Variants in NPSR1 observed in about 807,000 individuals in gnomAD.
NPSR1 encodes neuropeptide S receptor.
In NPSR1, 48 loss-of-function variants were observed where a neutral mutation model predicts 46.9. That is an observed-to-expected ratio of 1.02 (90% CI 0.81 to 1.30). The LOEUF (loss-of-function observed/expected upper bound fraction) is 1.30, where lower values mean the gene tolerates loss of function less well. Ranked by LOEUF, NPSR1 falls within the 50% of genes most tolerant of loss-of-function variation. NPSR1 has a pLI of 0.00. For synonymous variants in NPSR1, 176 were observed against 168.1 expected (o/e 1.05, Z -0.36); for missense variants, 450 against 449.5 (o/e 1.00, Z -0.01).
chr7:34,834,904 C>G (rs946042875), intron 6 of NPSR1, among the ~76,000 whole-genome samples: 1 of 152,198 alleles, frequency 6.6e-6, no homozygotes, highest in Non-Finnish European at 1.5e-5. Context: ...ATCTTGGACC[C>G]TTAGCCAGTA....
chr7:34,828,721 T>C (rs778775864), intron 5 of NPSR1, among the ~76,000 whole-genome samples: 7 of 152,260 alleles, frequency 4.6e-5, no homozygotes, highest in Non-Finnish European at 8.8e-5. Context: ...CATGAGTCTC[T>C]GGTTATTTCC....
At chr7:34,692,668 C>G (rs901493401) in intron 2 of NPSR1, among the ~76,000 whole-genome samples, 2 of 151,296 alleles carry the variant, frequency 1.3e-5, no homozygotes, top group Non-Finnish European at 2.9e-5. Flanking sequence ...AAGCCAAATC[C>G]AAAGTAAGCA....
At chr7:34,859,717 T>G (rs1223157704) in intron 8 of NPSR1, among the ~76,000 whole-genome samples, 1 of 151,750 alleles carries the variant, frequency 6.6e-6, no homozygotes, top group Admixed American at 6.5e-5. Context: ...CTCAAGGAAT[T>G]TATTTTTTAT....
chr7:34,825,929 A>C (rs2128755526), intron 4 of NPSR1, among the ~76,000 whole-genome samples: 1 of 152,284 alleles, frequency 6.6e-6, no homozygotes, highest in Admixed American at 6.5e-5. Context: ...TTCCTACTTG[A>C]AGCAAGCCCA....
At chr7:34,791,103 AAT>A (rs1787820888) in intron 3 of NPSR1, among the ~76,000 whole-genome samples, 1 of 87,656 alleles carries the variant, frequency 1.1e-5, no homozygotes, top group Non-Finnish European at 1.9e-5. Flanking sequence ...TATTATATAT[AAT>A]ATGTTATATA....
chr7:34,716,164 A>G (rs762740561), intron 2 of NPSR1, among the ~76,000 whole-genome samples: 4 of 152,154 alleles, frequency 2.6e-5, no homozygotes, highest in Non-Finnish European at 5.9e-5. Context: ...CACACCTGAG[A>G]TGAAAAGCAT....
chr7:34,869,536 G>A (rs555901431), intron 8 of NPSR1, among the ~76,000 whole-genome samples: 1 of 151,804 alleles, frequency 6.6e-6, no homozygotes, highest in South Asian at 2.1e-4. Flanking sequence ...AACAATCAGT[G>A]TAAATCTCCA....
intron 1 of NPSR1, among the ~76,000 whole-genome samples, chr7:34,662,344 G>A (rs1440762615): frequency 6.6e-6 from 1 of 152,076 alleles, no homozygotes; most frequent in Non-Finnish European, 1.5e-5. Context: ...CTGCCTTACT[G>A]TTAATTTTCT....
intron 2 of NPSR1, among the ~76,000 whole-genome samples, chr7:34,755,672 C>A (rs1458899389): frequency 1.3e-5 from 2 of 151,942 alleles, no homozygotes; most frequent in Non-Finnish European, 2.9e-5. Flanking sequence ...ATTTGTGCTA[C>A]CTGAATTTTG....
At chr7:34,761,456 T>G (rs1484174039) in intron 2 of NPSR1, among the ~76,000 whole-genome samples, 1 of 152,154 alleles carries the variant, frequency 6.6e-6, no homozygotes, top group Admixed American at 6.6e-5. Flanking sequence ...GACAGCAAGG[T>G]CTTTCTTGAA....
intron 3 of NPSR1, among the ~76,000 whole-genome samples, chr7:34,788,822 T>G (rs1787589158): frequency 6.6e-6 from 1 of 152,006 alleles, no homozygotes; most frequent in African/African-American, 2.4e-5. Flanking sequence ...TAGACACATA[T>G]AGAACATTTC....
chr7:34,742,205 T>C (rs920403371), intron 2 of NPSR1, among the ~76,000 whole-genome samples: 2 of 151,656 alleles, frequency 1.3e-5, no homozygotes, highest in African/African-American at 4.8e-5. Flanking sequence ...TGCATGTGAA[T>C]GTTTGTTACA....
chr7:34,695,992 C>A (rs1341756733), intron 2 of NPSR1, among the ~76,000 whole-genome samples: 1 of 149,152 alleles, frequency 6.7e-6, no homozygotes, highest in East Asian at 2.0e-4. Context: ...ATAAAAAAGA[C>A]ATTTGCCCTC....
At chr7:34,743,111 C>T (rs1013935552) in intron 2 of NPSR1, among the ~76,000 whole-genome samples, 17 of 152,146 alleles carry the variant, frequency 1.1e-4, no homozygotes, top group African/African-American at 4.1e-4. Flanking sequence ...TCTTTTTACT[C>T]TGTTGATAGT....
At chr7:34,827,756 A>T (rs1232420033) in intron 5 of NPSR1, among the ~76,000 whole-genome samples, 154 bp downstream of exon 5, 1 of 152,200 alleles carries the variant, frequency 6.6e-6, no homozygotes, top group Non-Finnish European at 1.5e-5. Context: ...TAGCTACCAT[A>T]GGCTAAGCCC....
At chr7:34,678,893 T>C (rs10255979) in intron 1 of NPSR1, among the ~76,000 whole-genome samples, 26,668 of 151,790 alleles carry the variant, frequency 0.18, 3,252 homozygotes, top group East Asian at 0.56. Context: ...GAAAGCAGAA[T>C]ATGATCTCCC....
intron 3 of NPSR1, among the ~76,000 whole-genome samples, chr7:34,808,183 A>G (rs537687314): frequency 1.4e-4 from 22 of 152,288 alleles, no homozygotes; most frequent in African/African-American, 4.6e-4. Flanking sequence ...ATTCTCCCCT[A>G]GAGTCTCTGG....
At chr7:34,703,301 G>A (rs1793935373) in intron 2 of NPSR1, among the ~76,000 whole-genome samples, 1 of 152,204 alleles carries the variant, frequency 6.6e-6, no homozygotes, top group South Asian at 2.1e-4. Context: ...AACCCGGGAA[G>A]CGGAGCTCGC....
intron 7 of NPSR1, chr7:34,845,520 C>T (rs13231258): frequency 0.073 from 33,315 of 453,824 alleles, 1,455 homozygotes; most frequent in Middle Eastern, 0.12. Context: ...CTCTGCTCTC[C>T]GGTGGTGCCC....
Sources: allele counts gnomAD v4.1 joint callset (sites outside exome capture counted in the v4.1 genomes callset), GRCh38; gene constraint gnomAD v4.1.1; transcripts MANE v1.5; gene names NCBI Gene and HGNC (gene_info 2026-07-23, HGNC 2026-07-21).